The following EDARADD variants were observed in gnomAD, a reference collection of about 807,000 sequenced individuals.
EDARADD encodes ectodysplasin-A receptor-associated adapter protein.
In EDARADD, 20 loss-of-function variants were observed where a neutral mutation model predicts 25.6. That is an observed-to-expected ratio of 0.78 (90% CI 0.55 to 1.14). EDARADD has a LOEUF of 1.14. Ranked by LOEUF, EDARADD falls within the 50% of genes most tolerant of loss-of-function variation. EDARADD has a pLI of 0.00. For missense variants in EDARADD, 225 were observed against 270.1 expected (o/e 0.83, Z 1.17); for synonymous variants, 86 against 94.4 (o/e 0.91, Z 0.52).
chr1:236,367,284 C>T (rs1371373706), intron 3 of EDARADD, among the ~76,000 whole-genome samples: 2 of 151,818 alleles, frequency 1.3e-5, no homozygotes, highest in Non-Finnish European at 2.9e-5. Flanking sequence ...GGCTGAAGTG[C>T]AGTGGCACGA....
At chr1:236,467,191 C>T (rs940346918) in intron 4 of EDARADD, among the ~76,000 whole-genome samples, 28 of 151,772 alleles carry the variant, frequency 1.8e-4, no homozygotes, top group African/African-American at 6.3e-4. Flanking sequence ...ATCCCACAGC[C>T]ACCTCAACAC....
At chr1:236,437,762 T>A (rs1425427419) in intron 4 of EDARADD, among the ~76,000 whole-genome samples, 1 of 148,988 alleles carries the variant, frequency 6.7e-6, no homozygotes, top group East Asian at 1.9e-4. Context: ...TTTTTTTTTT[T>A]TTTGAGACTT....
Position 236,472,606 on chromosome 1 carries a change from G to A in EDARADD, c.265+4330G>A, listed in dbSNP as rs544559281. On this transcript the variant is annotated intron_variant, in intron 5 of 5. Transcript: ENST00000334232. ...TGCAGTGGCGCAATCTCAGCTCACT[G>A]CAACCTCTGCCTCCTGGGCTCAAGC... is the stretch of plus-strand genomic sequence containing the variant. Among the ~76,000 whole-genome samples the A allele has an allele frequency of 1.1e-4, 16 of 152,286 alleles. No homozygotes were observed. The East Asian group carries it at 2.5e-3, about 24-fold the overall frequency.
intron 4 of EDARADD, among the ~76,000 whole-genome samples, chr1:236,448,925 G>A (rs1433619523): frequency 6.6e-6 from 1 of 152,078 alleles, no homozygotes; most frequent in East Asian, 1.9e-4. Flanking sequence ...AGTCTGCTTG[G>A]GCTGCCGTAA....
intron 4 of EDARADD, among the ~76,000 whole-genome samples, chr1:236,447,157 C>T (rs1341916524): frequency 5.5e-3 from 49 of 8,862 alleles, no homozygotes; most frequent in African/African-American, 0.015. Context: ...TTCCTTCCTC[C>T]CTCCCTCCCT....
intron 4 of EDARADD, among the ~76,000 whole-genome samples, chr1:236,460,957 G>A (rs1214496431): frequency 6.6e-6 from 1 of 151,890 alleles, no homozygotes; most frequent in East Asian, 1.9e-4. Flanking sequence ...GAATAGCTGC[G>A]ATTACAGGCA....
chr1:236,405,777 CTT>C (rs1553265505), intron 1 of EDARADD, among the ~76,000 whole-genome samples: 1 of 68,186 alleles, frequency 1.5e-5, no homozygotes, highest in African/African-American at 5.5e-5. Flanking sequence ...TTCTTTCTTT[CTT>C]TCTTTCTTTC....
intron 4 of EDARADD, among the ~76,000 whole-genome samples, chr1:236,434,519 C>G (rs1400653940): frequency 6.6e-6 from 1 of 152,194 alleles, no homozygotes; most frequent in African/African-American, 2.4e-5. Context: ...GGATTATAGG[C>G]GTGAGCCACT....
chr1:236,464,148 G>A (rs942949650), intron 4 of EDARADD, among the ~76,000 whole-genome samples: 5 of 152,084 alleles, frequency 3.3e-5, no homozygotes, highest in Non-Finnish European at 5.9e-5. Flanking sequence ...GGTATCAGCC[G>A]GCCACCACCC....
intron 1 of EDARADD, among the ~76,000 whole-genome samples, chr1:236,402,962 T>C (rs1315497264): frequency 1.3e-5 from 2 of 151,710 alleles, no homozygotes; most frequent in African/African-American, 4.9e-5. Flanking sequence ...TCTTGTCTTT[T>C]CTTTTTTTTT....
In EDARADD at chr1:236,398,487, A is replaced by G. The variant is rs1205660755; in HGVS notation, c.61+3982A>G. The stretch of plus-strand genomic sequence containing the variant: ...CTTTCCAACACTCCGACAGATCCTC[A>G]GTCCTTGAGGCTTACACACTCTGTG... On this transcript the variant is annotated intron_variant, in intron 1 of 5. Coordinates refer to ENST00000334232, the MANE Select transcript of EDARADD (RefSeq NM_145861.4). The surrounding 1 kb of genome is among the most constrained non-coding windows in gnomAD (Gnocchi z 4.1). Among the ~76,000 whole-genome samples, 2 of 152,204 alleles carry G rather than the reference A, an allele frequency of 1.3e-5. No homozygotes were observed. The highest frequency in any genetic ancestry group is 2.9e-5 in the Non-Finnish European group (2 of 68,038).
At chr1:236,430,945 G>A (rs1000772951) in intron 4 of EDARADD, among the ~76,000 whole-genome samples, 3 of 152,088 alleles carry the variant, frequency 2.0e-5, no homozygotes, top group South Asian at 2.1e-4. Flanking sequence ...GTGAAACCCC[G>A]TCTCTACTAA....
intron 3 of EDARADD, among the ~76,000 whole-genome samples, chr1:236,374,074 T>C (rs1667199189): frequency 6.6e-6 from 1 of 152,240 alleles, no homozygotes; most frequent in African/African-American, 2.4e-5. Flanking sequence ...GGTGTGTTTA[T>C]GACCAAGTCT....
intron 2 of EDARADD, 105 bp downstream of exon 2, chr1:236,409,379 C>T: frequency 1.2e-6 from 1 of 866,906 alleles, no homozygotes; most frequent in Non-Finnish European, 1.9e-6. Context: ...GCATCAGAAA[C>T]CCCAAAGTAA....
chr1:236,401,109 C>A (rs1427634081), intron 1 of EDARADD, among the ~76,000 whole-genome samples: 1 of 151,846 alleles, frequency 6.6e-6, no homozygotes, highest in Admixed American at 6.6e-5. Flanking sequence ...TCACTTGAAC[C>A]CAGGAGGCAG....
chr1:236,451,154 A>T (rs951377462), intron 4 of EDARADD, among the ~76,000 whole-genome samples: 2 of 152,184 alleles, frequency 1.3e-5, no homozygotes, highest in Admixed American at 1.3e-4. Flanking sequence ...GACTGGAAAC[A>T]TGATGATAGA....
intron 5 of EDARADD, among the ~76,000 whole-genome samples, chr1:236,477,027 T>G (rs1025135938): frequency 3.1e-5 from 4 of 130,100 alleles, no homozygotes; most frequent in Non-Finnish European, 6.5e-5. Flanking sequence ...ACACAATAAT[T>G]ACAGAAAATT....
At chr1:236,455,861 C>T (rs563295259) in intron 4 of EDARADD, among the ~76,000 whole-genome samples, 52 of 152,348 alleles carry the variant, frequency 3.4e-4, no homozygotes, top group South Asian at 6.2e-4. Context: ...GCGATCTTTG[C>T]TCACTGCAAC....
intron 5 of EDARADD, among the ~76,000 whole-genome samples, chr1:236,481,286 G>C (rs1320202528): frequency 6.6e-6 from 1 of 152,042 alleles, no homozygotes; most frequent in Non-Finnish European, 1.5e-5. Flanking sequence ...TGCAAGTGTC[G>C]GCTGGTTACT....
Sources: gnomAD v4.1 joint callset for allele counts (sites outside exome capture counted in the v4.1 genomes callset) on GRCh38, gnomAD v4.1.1 for gene constraint, Gnocchi (gnomAD v3.1) non-coding constraint, MANE v1.5 for transcripts, NCBI Gene and HGNC (gene_info 2026-07-23, HGNC 2026-07-21) for gene names.